Variants in FOCAD observed in about 807,000 individuals in gnomAD.
FOCAD encodes KIAA1797.
A neutral mutation model predicts 225.6 loss-of-function variants in FOCAD; 198 were observed. The observed-to-expected ratio is 0.88, with a 90% CI of 0.78 to 0.99. FOCAD has a LOEUF of 0.99. Among genes scored for constraint, FOCAD ranks in the 50% least tolerant of loss-of-function variants. The pLI, the probability that FOCAD is intolerant of heterozygous loss-of-function variation, is 0.00. For synonymous variants in FOCAD, 897 were observed against 755.0 expected (o/e 1.19, Z -3.08); for missense variants, 2,713 against 2,123.6 (o/e 1.28, Z -5.46).
In FOCAD at chr9:20,946,706, T is replaced by C. The variant is rs538475038; in HGVS notation, c.3561T>C (p.Leu1187=). 1 of 1,611,742 alleles carries C rather than the reference T, an allele frequency of 6.2e-7. No individual in the cohort carries two copies. Among genetic ancestry groups the C allele is most frequent in the South Asian group, 1.1e-5 (1 of 90,664 alleles). The change falls in exon 30 of 44, where the codon CTT becomes CTC. Residue 1187 remains leucine, a synonymous_variant. Coordinates refer to ENST00000338382, the MANE Select transcript of FOCAD (RefSeq NM_001375567.1). ...CTGCTGTATTTTCTTCTCAGGTCCT[T>C]GCCTACACACTTAGCTGTGTATGTA... ...GSQSRTFQEV[L]AYTLSCVCTS... is the part of the protein sequence containing the mutation.
chr9:20,819,525 A>G (rs1393753024), intron 11 of FOCAD, among the ~76,000 whole-genome samples: 1 of 152,068 alleles, frequency 6.6e-6, no homozygotes, highest in Non-Finnish European at 1.5e-5. Context: ...GGCAGGGTGT[A>G]TCTTAACTAC....
chr9:20,713,809 A>G (rs1254909089), intron 1 of FOCAD, among the ~76,000 whole-genome samples: 1 of 152,238 alleles, frequency 6.6e-6, no homozygotes, highest in Non-Finnish European at 1.5e-5. Flanking sequence ...GACACACTTT[A>G]GGAGACTCTG....
At chr9:20,834,775 C>T (rs1825838488) in intron 15 of FOCAD, among the ~76,000 whole-genome samples, 1 of 151,944 alleles carries the variant, frequency 6.6e-6, no homozygotes, top group South Asian at 2.1e-4. Flanking sequence ...ATATTTGCAC[C>T]ATCCAGTATA....
chr9:20,780,289 T>C (rs981063196), intron 9 of FOCAD, among the ~76,000 whole-genome samples: 8 of 152,226 alleles, frequency 5.3e-5, no homozygotes, highest in African/African-American at 1.9e-4. Flanking sequence ...TTTCATATGA[T>C]TGGATTTTGT....
chr9:20,751,121 T>A (rs950731425), intron 5 of FOCAD, among the ~76,000 whole-genome samples: 2 of 151,674 alleles, frequency 1.3e-5, no homozygotes, highest in East Asian at 1.9e-4. Flanking sequence ...TCAGTTCTTT[T>A]CCCTCACAAT....
chr9:20,707,693 G>T (rs1587284366), intron 1 of FOCAD, among the ~76,000 whole-genome samples: 1 of 152,156 alleles, frequency 6.6e-6, no homozygotes, highest in Admixed American at 6.6e-5. Context: ...GGAGGAGGAA[G>T]AAAAGGGGAG....
At chr9:20,742,653 G>A (rs954645853) in intron 5 of FOCAD, among the ~76,000 whole-genome samples, 5 of 152,192 alleles carry the variant, frequency 3.3e-5, no homozygotes, top group South Asian at 2.1e-4. Flanking sequence ...TTTCTATAAT[G>A]CAGAGAATTT....
intron 15 of FOCAD, among the ~76,000 whole-genome samples, chr9:20,836,890 G>A (rs1048988744): frequency 6.6e-6 from 1 of 151,930 alleles, no homozygotes; most frequent in Non-Finnish European, 1.5e-5. Context: ...TTAATTGATT[G>A]TTTTATTAAG....
intron 21 of FOCAD, among the ~76,000 whole-genome samples, chr9:20,899,952 T>TC: frequency 6.6e-6 from 1 of 151,982 alleles, no homozygotes; most frequent in East Asian, 1.9e-4. Context: ...CTCTCTCTGC[T>TC]CCTCTGTACA....
At chr9:20,742,492 C>G (rs1044439950) in intron 5 of FOCAD, among the ~76,000 whole-genome samples, 7 of 152,210 alleles carry the variant, frequency 4.6e-5, no homozygotes, top group Non-Finnish European at 7.3e-5. Flanking sequence ...ACCGCCGCAT[C>G]GGCATACCTG....
At chr9:20,988,456 C>G (rs753906753) in intron 41 of FOCAD, 27 bp downstream of exon 41, 8 of 1,336,358 alleles carry the variant, frequency 6.0e-6, no homozygotes, top group Non-Finnish European at 8.4e-6. Flanking sequence ...TAGTTTATAG[C>G]TTCCTTAAAA....
intron 17 of FOCAD, 65 bp downstream of exon 17, chr9:20,866,041 A>G: frequency 7.5e-7 from 1 of 1,340,522 alleles, no homozygotes. Flanking sequence ...ACATTTGTAA[A>G]ATAAGACTCT....
At chr9:20,865,228 A>G (rs1829121535) in intron 16 of FOCAD, among the ~76,000 whole-genome samples, 1 of 152,066 alleles carries the variant, frequency 6.6e-6, no homozygotes, top group Admixed American at 6.6e-5. Flanking sequence ...GCAAGAATCC[A>G]AGGAAATTAT....
At chr9:20,742,304 A>C (rs1366363488) in intron 5 of FOCAD, among the ~76,000 whole-genome samples, 3 of 152,216 alleles carry the variant, frequency 2.0e-5, no homozygotes, top group Non-Finnish European at 4.4e-5. Context: ...TGTCATTCAC[A>C]ATGAGTACAA....
intron 35 of FOCAD, among the ~76,000 whole-genome samples, chr9:20,963,137 T>G (rs1245265281): frequency 6.6e-6 from 1 of 152,222 alleles, no homozygotes; most frequent in Non-Finnish European, 1.5e-5. Context: ...GAAAATTTTT[T>G]GTGAGTGTAG....
rs555770334 is a variant in FOCAD, at chr9:20,740,344, A to C, written c.392+4A>C. ...TTCAGAGTATATATACCATTAGGTA[A>C]GCCTTTTTTCTGTTTTTTTTTTAAA... is the stretch of plus-strand genomic sequence containing the variant. On this transcript the variant is annotated splice_donor_region_variant and intron_variant, in intron 5 of 43. Coordinates refer to ENST00000338382, the MANE Select transcript of FOCAD (RefSeq NM_001375567.1). 2.0e-6 allele frequency: 3 copies of C among 1,502,172 alleles called. No homozygotes were observed. In the South Asian group the frequency reaches 3.7e-5, roughly 19 times the overall value. The allele number at this position is 1,502,172 out of a possible 1,614,324, so 93.1% of individuals were successfully genotyped here. A position where few individuals can be genotyped will look rare whatever the true frequency, so the allele number is the denominator to read the frequency against.
At chr9:20,993,361 G>A in intron 43 of FOCAD, 33 bp downstream of exon 43, 3 of 1,545,204 alleles carry the variant, frequency 1.9e-6, no homozygotes, top group Non-Finnish European at 1.8e-6. Flanking sequence ...TCAACATAGG[G>A]GAAAAACCAT....
chr9:20,969,871 T>C (rs1200351298), intron 35 of FOCAD, among the ~76,000 whole-genome samples: 1 of 151,962 alleles, frequency 6.6e-6, no homozygotes, highest in African/African-American at 2.4e-5. Flanking sequence ...CCCATTAACA[T>C]TTCTCGTAGG....
At chr9:20,717,738 G>C (rs1285978918) in intron 2 of FOCAD, 56 bp from the exon 3 acceptor site, 3 of 1,362,050 alleles carry the variant, frequency 2.2e-6, no homozygotes, top group Non-Finnish European at 3.1e-6. Context: ...AACTAGTATT[G>C]ATATTTGGAA....
Sources: gnomAD v4.1 joint callset for allele counts (sites outside exome capture counted in the v4.1 genomes callset) on GRCh38, gnomAD v4.1.1 for gene constraint, MANE v1.5 for transcripts, NCBI Gene and HGNC (gene_info 2026-07-23, HGNC 2026-07-21) for gene names.